OPN3: variants seen among roughly 807,000 people sequenced by gnomAD.
The protein encoded by OPN3 is opsin-3.
In OPN3, 29 loss-of-function variants were observed where a neutral mutation model predicts 33.8. That is an observed-to-expected ratio of 0.86 (90% CI 0.64 to 1.17). The LOEUF (loss-of-function observed/expected upper bound fraction) is 1.17, where lower values mean the gene tolerates loss of function less well. Among genes scored for constraint, OPN3 ranks in the 50% most tolerant of loss-of-function variants. The pLI, the probability that OPN3 is intolerant of heterozygous loss-of-function variation, is 0.00. For missense variants in OPN3, 437 were observed against 514.1 expected (o/e 0.85, Z 1.45); for synonymous variants, 216 against 216.1 (o/e 1.00, Z 0.00).
chr1:241,599,812 T>C (rs1280512951), intron 2 of OPN3, among the ~76,000 whole-genome samples: 1 of 152,174 alleles, frequency 6.6e-6, no homozygotes, highest in African/African-American at 2.4e-5. Context: ...CAAAAAAACC[T>C]ATGAGAATTA....
intron 1 of OPN3, among the ~76,000 whole-genome samples, chr1:241,609,568 AGACTGCAATACTGT>A (rs1663932575): frequency 6.6e-6 from 1 of 152,262 alleles, no homozygotes; most frequent in East Asian, 1.9e-4. Context: ...ACCCTCAAGA[AGACTGCAATACTGT>A]ATTTTTATAT....
intron 1 of OPN3, chr1:241,633,700 C>T: frequency 7.8e-7 from 1 of 1,283,474 alleles, no homozygotes; most frequent in Non-Finnish European, 1.1e-6. Context: ...TCATATATAA[C>T]CACTTCTAAT....
At position 241,619,429 on chromosome 1, in the gene OPN3, T is replaced by C. The variant is rs73139012; in HGVS notation, c.374-14850A>G. On this transcript the variant is annotated intron_variant, in intron 1 of 3. Coordinates refer to ENST00000366554, the MANE Select transcript of OPN3 (RefSeq NM_014322.3). ...CTTATACAGGCAGTTCTGATTTCTG[T>C]ACTTTACTCATTTCTAGCTTTTATC... Among the ~76,000 whole-genome samples, 833 of 152,352 alleles carry C rather than the reference T, an allele frequency of 5.5e-3. 9 individuals carry two copies. Among genetic ancestry groups the C allele is most frequent in the African/African-American group, 0.019 (797 of 41,580 alleles).
chr1:241,638,592 T>C (rs1235410516), intron 1 of OPN3, among the ~76,000 whole-genome samples: 1 of 152,174 alleles, frequency 6.6e-6, no homozygotes, highest in Non-Finnish European at 1.5e-5. Flanking sequence ...ATAAGGAGTG[T>C]AATCCCATAG....
At chr1:241,628,888 T>C (rs1344459405) in intron 1 of OPN3, 2 of 152,616 alleles carry the variant, frequency 1.3e-5, no homozygotes, top group Non-Finnish European at 1.5e-5. Flanking sequence ...TTTTATTTTT[T>C]ATTGCATACA....
chr1:241,625,724 T>C (rs1664403455), intron 1 of OPN3, among the ~76,000 whole-genome samples: 1 of 152,188 alleles, frequency 6.6e-6, no homozygotes, highest in African/African-American at 2.4e-5. Flanking sequence ...ACAATGACCC[T>C]GTTGAAGAAG....
At chr1:241,634,669 A>C (rs1340211729) in intron 1 of OPN3, 1 of 1,613,878 alleles carries the variant, frequency 6.2e-7, no homozygotes, top group East Asian at 2.2e-5. Flanking sequence ...ACCGTCCGAG[A>C]CACTGAAGGA....
chr1:241,602,928 A>T (rs759775448), intron 2 of OPN3, among the ~76,000 whole-genome samples: 1 of 152,234 alleles, frequency 6.6e-6, no homozygotes, highest in Non-Finnish European at 1.5e-5. Flanking sequence ...AGTGAGTGAC[A>T]TTGTGGCACC....
chr1:241,633,691 C>T (rs748586257), intron 1 of OPN3: 1 of 1,173,804 alleles, frequency 8.5e-7, no homozygotes, highest in Non-Finnish European at 1.2e-6. Flanking sequence ...TAGCATTCAT[C>T]ATATATAACC....
At chr1:241,598,019 G>A (rs1237911004) in intron 2 of OPN3, 22 bp from the exon 3 acceptor site, 2 of 1,605,768 alleles carry the variant, frequency 1.2e-6, no homozygotes, top group Non-Finnish European at 1.7e-6. Flanking sequence ...AGAAAGAAAG[G>A]AAAGGGCTTA....
At chr1:241,609,216 G>A (rs190111221) in intron 1 of OPN3, among the ~76,000 whole-genome samples, 3 of 152,296 alleles carry the variant, frequency 2.0e-5, no homozygotes, top group Non-Finnish European at 4.4e-5. Flanking sequence ...AATGATGAGT[G>A]CTGCAAACTG....
At chr1:241,639,823 A>C in intron 1 of OPN3, 59 bp downstream of exon 1, 2 of 1,358,688 alleles carry the variant, frequency 1.5e-6, no homozygotes, top group African/African-American at 3.3e-5. Flanking sequence ...CGGAGCGGGC[A>C]GCGGGGTGGG....
At chr1:241,599,600 G>A (rs1663627035) in intron 2 of OPN3, among the ~76,000 whole-genome samples, 1 of 152,020 alleles carries the variant, frequency 6.6e-6, no homozygotes, top group Non-Finnish European at 1.5e-5. Context: ...TTATTTAATG[G>A]GATAGAATAT....
chr1:241,597,633 T>A (rs1663560959), intron 3 of OPN3, 113 bp downstream of exon 3: 2 of 1,079,766 alleles, frequency 1.9e-6, no homozygotes, highest in South Asian at 2.1e-5. Context: ...TCCTAAAAAA[T>A]TCTTGTTTTT....
At chr1:241,616,961 A>G (rs776535355) in intron 1 of OPN3, among the ~76,000 whole-genome samples, 5 of 152,248 alleles carry the variant, frequency 3.3e-5, no homozygotes, top group African/African-American at 4.8e-5. Flanking sequence ...TGAGTGTTAT[A>G]AAGTCAAATG....
intron 2 of OPN3, among the ~76,000 whole-genome samples, chr1:241,601,968 T>C (rs575050609): frequency 2.6e-5 from 4 of 152,308 alleles, no homozygotes; most frequent in Non-Finnish European, 4.4e-5. Flanking sequence ...GATGAGTCTG[T>C]GGACCATCCA....
rs1665081260 is a variant in OPN3, at chr1:241,640,346, C to T, written c.-92G>A. 15 of 1,062,790 alleles carry T rather than the reference C, an allele frequency of 1.4e-5. No homozygotes were observed. The highest frequency in any genetic ancestry group is 1.7e-5 in the Non-Finnish European group (15 of 882,414). The allele number at this position is 1,062,790 out of a possible 1,614,324, so 65.8% of individuals were successfully genotyped here. ...GCACTGGGTGGGGTTGGGGCTCCGC[C>T]GCCTGCTCTAGCCATTGTGCACTGA... On this transcript the variant is annotated 5_prime_UTR_variant, in exon 1 of 4. Transcript: ENST00000366554.
intron 1 of OPN3, among the ~76,000 whole-genome samples, chr1:241,627,999 C>A (rs1398336860): frequency 2.0e-5 from 3 of 152,086 alleles, no homozygotes; most frequent in African/African-American, 4.8e-5. Flanking sequence ...CTTCCCCAGG[C>A]AAAAGAAAAA....
chr1:241,607,716 AAG>A (rs1663876815), intron 1 of OPN3, among the ~76,000 whole-genome samples: 1 of 148,004 alleles, frequency 6.8e-6, no homozygotes, highest in Non-Finnish European at 1.5e-5. Context: ...AAGAGAAAGA[AAG>A]AGGAAGAGAA....
Sources: gnomAD v4.1 joint callset for allele counts (sites outside exome capture counted in the v4.1 genomes callset) on GRCh38, gnomAD v4.1.1 for gene constraint, MANE v1.5 for transcripts, NCBI Gene and HGNC (gene_info 2026-07-23, HGNC 2026-07-21) for gene names.